Variants in CSMD3 observed in about 807,000 individuals in gnomAD.
CSMD3 encodes the protein CUB and sushi domain-containing protein 3.
CSMD3 carries 177 observed loss-of-function variants against 435.2 expected under a neutral mutation model. The ratio of observed to expected loss-of-function variants is 0.41; its 90% CI spans 0.36 to 0.46. The LOEUF (loss-of-function observed/expected upper bound fraction) is 0.46, where lower values mean the gene tolerates loss of function less well. Among genes scored for constraint, CSMD3 ranks in the 20% least tolerant of loss-of-function variants. The probability of loss-of-function intolerance (pLI) is 0.34; values close to 1 mark genes in which losing one functional copy is unlikely to be tolerated. For synonymous variants in CSMD3, 1,656 were observed against 1,520.5 expected (o/e 1.09, Z -2.07); for missense variants, 4,265 against 4,504.6 (o/e 0.95, Z 1.52).
intron 3 of CSMD3, among the ~76,000 whole-genome samples, chr8:113,216,313 A>G (rs2092905042): frequency 6.6e-6 from 1 of 151,932 alleles, no homozygotes; most frequent in Admixed American, 6.6e-5. Context: ...TATCTTTAAA[A>G]GACAAAAAAG....
At chr8:113,329,156 A>C (rs1381599504) in intron 1 of CSMD3, among the ~76,000 whole-genome samples, 1 of 151,746 alleles carries the variant, frequency 6.6e-6, no homozygotes, top group East Asian at 1.9e-4. Context: ...AATTGGACAT[A>C]TATGACAAAG....
At chr8:112,855,502 T>G (rs1055981917) in intron 11 of CSMD3, among the ~76,000 whole-genome samples, 1 of 152,092 alleles carries the variant, frequency 6.6e-6, no homozygotes, top group Non-Finnish European at 1.5e-5. Context: ...AAAGTCAGAC[T>G]TTGTGTTTTA....
At chr8:112,507,656 A>T (rs574845280) in intron 28 of CSMD3, among the ~76,000 whole-genome samples, 54 of 152,316 alleles carry the variant, frequency 3.5e-4, no homozygotes, top group African/African-American at 1.2e-3. Context: ...GCATTCAGTT[A>T]TAAGGGAAAT....
intron 22 of CSMD3, among the ~76,000 whole-genome samples, chr8:112,622,939 A>G (rs1386792587): frequency 6.6e-6 from 1 of 152,048 alleles, no homozygotes; most frequent in Non-Finnish European, 1.5e-5. Flanking sequence ...ATGTTTTTCA[A>G]CTTGCCACAG....
chr8:113,435,983 T>C (rs1179903658), intron 1 of CSMD3, among the ~76,000 whole-genome samples: 1 of 152,094 alleles, frequency 6.6e-6, no homozygotes, highest in Non-Finnish European at 1.5e-5. Flanking sequence ...GGATTTTCTT[T>C]TGGTCGTCAG....
At chr8:112,600,617 T>C (rs1021568197) in intron 22 of CSMD3, among the ~76,000 whole-genome samples, 1 of 152,190 alleles carries the variant, frequency 6.6e-6, no homozygotes, top group Non-Finnish European at 1.5e-5. Context: ...AACCAAATTG[T>C]AGTGTTAAGT....
chr8:112,994,743 A>G (rs1248828607), intron 6 of CSMD3, among the ~76,000 whole-genome samples: 1 of 151,578 alleles, frequency 6.6e-6, no homozygotes, highest in Non-Finnish European at 1.5e-5. Context: ...ACGTTATAGT[A>G]CAGACCAGTG....
intron 8 of CSMD3, among the ~76,000 whole-genome samples, chr8:112,954,066 A>G (rs550106191): frequency 6.6e-5 from 10 of 151,596 alleles, no homozygotes; most frequent in African/African-American, 2.2e-4. Flanking sequence ...GAATGCTCTA[A>G]TTCAGTGATT....
intron 1 of CSMD3, among the ~76,000 whole-genome samples, chr8:113,329,023 C>T (rs144914914): frequency 1.1e-3 from 160 of 151,342 alleles, no homozygotes; most frequent in African/African-American, 3.4e-3. Flanking sequence ...ATTACAGCTG[C>T]GAGCCACCAC....
chr8:112,346,462 A>C (rs1357119371), intron 40 of CSMD3, among the ~76,000 whole-genome samples: 1 of 152,120 alleles, frequency 6.6e-6, no homozygotes, highest in Non-Finnish European at 1.5e-5. Context: ...TATTGCATAA[A>C]AGTAACAGAT....
chr8:112,478,144 A>T (rs1399159356), intron 31 of CSMD3, among the ~76,000 whole-genome samples: 1 of 152,140 alleles, frequency 6.6e-6, no homozygotes, highest in South Asian at 2.1e-4. Flanking sequence ...AGCCATGTGG[A>T]ACTATAAGTC....
At chr8:112,817,565 G>C (rs1335675728) in intron 12 of CSMD3, among the ~76,000 whole-genome samples, 4 of 151,906 alleles carry the variant, frequency 2.6e-5, no homozygotes, top group African/African-American at 7.3e-5. Flanking sequence ...TTTGTCACTA[G>C]ACGACTCTGA....
At chr8:112,584,564 G>A (rs1011189781) in intron 23 of CSMD3, among the ~76,000 whole-genome samples, 6 of 151,762 alleles carry the variant, frequency 4.0e-5, no homozygotes, top group African/African-American at 1.4e-4. Flanking sequence ...TATTATTGTT[G>A]TTATTGTTAT....
chr8:112,956,028 T>C (rs902301587), intron 7 of CSMD3, among the ~76,000 whole-genome samples: 1 of 151,998 alleles, frequency 6.6e-6, no homozygotes, highest in Non-Finnish European at 1.5e-5. Flanking sequence ...TATGTGAATA[T>C]AAGATATGAA....
chr8:112,439,275 G>A lies in CSMD3; in HGVS notation c.5396-30243C>T, dbSNP rs550467369. 2.2e-3 allele frequency among the ~76,000 whole-genome samples: 330 copies of A among 152,018 alleles called. 2 individuals carry two copies. The highest frequency in any genetic ancestry group is 7.7e-3 in the African/African-American group (319 of 41,454). On this transcript the variant is annotated intron_variant, in intron 32 of 70. Transcript: ENST00000297405. ...CCTGCCTCACCCTCCCAAGTAGCTG[G>A]GACTACAGGTGCCCACCACCATGCC...
chr8:113,125,342 T>A (rs2091095990), intron 4 of CSMD3, among the ~76,000 whole-genome samples: 1 of 152,002 alleles, frequency 6.6e-6, no homozygotes, highest in Admixed American at 6.6e-5. Flanking sequence ...CTGTACACAA[T>A]CCTAGCTACA....
At chr8:113,098,630 T>A in intron 5 of CSMD3, 126 bp downstream of exon 5, 1 of 691,862 alleles carries the variant, frequency 1.4e-6, no homozygotes, top group East Asian at 2.7e-5. Context: ...TGACAACCTC[T>A]TCACATAACT....
chr8:112,301,918 C>T lies in CSMD3; in HGVS notation c.8315G>A (p.Gly2772Glu), dbSNP rs1820961779. 6.2e-7 allele frequency: 1 copy of T among 1,612,478 alleles called. No individual in the cohort carries two copies. The highest frequency in any genetic ancestry group is 1.3e-5 in the African/African-American group (1 of 74,868). The change falls in exon 53 of 71, where the codon GGA (glycine) becomes GAA (glutamate). Residue 2772 changes from glycine to glutamate, a missense_variant. Coordinates refer to ENST00000297405, the MANE Select transcript of CSMD3 (RefSeq NM_198123.2). ...LPTPPNGNKI[G>E]TQTSYGSTAI... The stretch of plus-strand genomic sequence containing the variant: ...TGTTGAGCCATATGAAGTTTGAGTT[C>T]CAATCTTATTTCCATTTGGAGGTGT...
At chr8:112,730,787 T>A (rs1342592318) in intron 13 of CSMD3, among the ~76,000 whole-genome samples, 1 of 152,066 alleles carries the variant, frequency 6.6e-6, no homozygotes, top group Non-Finnish European at 1.5e-5. Context: ...GAAACACAAG[T>A]CAAGCAAATT....
Sources: allele counts gnomAD v4.1 joint callset (sites outside exome capture counted in the v4.1 genomes callset), GRCh38; gene constraint gnomAD v4.1.1; transcripts MANE v1.5; gene names NCBI Gene and HGNC (gene_info 2026-07-23, HGNC 2026-07-21).